SLC16A6: variants seen among roughly 807,000 people sequenced by gnomAD.
SLC16A6 encodes the protein solute carrier family 16 member 6.
SLC16A6 carries 15 observed loss-of-function variants against 33.8 expected under a neutral mutation model. The observed-to-expected ratio is 0.44, with a 90% CI of 0.30 to 0.68. The LOEUF (loss-of-function observed/expected upper bound fraction) is 0.68. Among genes scored for constraint, SLC16A6 ranks in the 30% least tolerant of loss-of-function variants. The pLI is 0.10. For synonymous variants in SLC16A6, 219 were observed against 248.4 expected (o/e 0.88, Z 1.11); for missense variants, 451 against 661.5 (o/e 0.68, Z 3.49).
rs2075206210 is a variant in SLC16A6, at chr17:68,267,917, C to A, written c.*1179G>T. 6.6e-6 allele frequency: 1 copy of A among 152,208 alleles called. No homozygotes were observed. Among genetic ancestry groups the A allele is most frequent in the Admixed American group, 6.5e-5 (1 of 15,282 alleles). The allele number at this position is 152,208 out of a possible 1,614,324, so 9.4% of individuals were successfully genotyped here. On this transcript the variant is annotated 3_prime_UTR_variant, in exon 6 of 6. Coordinates refer to ENST00000580666, the MANE Select transcript of SLC16A6 (RefSeq NM_004694.5). ...CCCCATGTGAAATACAGAAATGCTT[C>A]AATAATTAGATGGTTTTTTCTTTAA...
chr17:68,279,819 T>G (rs961854160), intron 1 of SLC16A6, among the ~76,000 whole-genome samples: 13 of 152,202 alleles, frequency 8.5e-5, no homozygotes, highest in Non-Finnish European at 1.9e-4. Flanking sequence ...AACTAAAAAT[T>G]AATGATATCT....
At chr17:68,272,138 A>T (rs1227297391) in intron 4 of SLC16A6, among the ~76,000 whole-genome samples, 14 of 152,120 alleles carry the variant, frequency 9.2e-5, no homozygotes, top group African/African-American at 3.4e-4. Context: ...GGTTTTTGCC[A>T]TGTTGGCCAG....
At chr17:68,269,673 GTTTTTT>G in intron 5 of SLC16A6, among the ~76,000 whole-genome samples, 1 of 77,896 alleles carries the variant, frequency 1.3e-5, no homozygotes, top group Admixed American at 1.7e-4. Flanking sequence ...TTCACTTTAG[GTTTTTT>G]TTTTTTTTTT....
In SLC16A6 at chr17:68,273,974, A is replaced by G. The variant is rs1555750018; in HGVS notation, c.329T>C (p.Phe110Ser). 3.1e-6 allele frequency: 5 copies of G among 1,614,154 alleles called. No individual in the cohort carries two copies. In the South Asian group the frequency reaches 5.5e-5, roughly 18 times the overall value. Residue 110 changes from phenylalanine (F) to serine (S), a missense_variant, in exon 3 of 6, where the codon TTC (phenylalanine) becomes TCC (serine). Transcript: ENST00000580666. ...GTACATATGAGAAACCTCTTGTGAG[A>G]AGGAGGCGGCCACCATCCCGGTGCT... Reference protein sequence around the residue: ...LVSTGMVAASFSQEVSHMYVA... With the variant: ...LVSTGMVAASSSQEVSHMYVA...
rs201650215 is a variant in SLC16A6 at position 68,271,389 on chromosome 17, C to T, written c.771G>A (p.Leu257=). ...SPKNVPTHTN[L]ELEPKADMQQ... Reference sequence around the variant, plus strand: ...GCATGTCGGCCTTCGGCTCCAGTTCCAGGTTAGTGTGAGTAGGCACATTTT... The same window carrying T: ...GCATGTCGGCCTTCGGCTCCAGTTCTAGGTTAGTGTGAGTAGGCACATTTT... Residue 257 remains leucine, a synonymous_variant, in exon 5 of 6, where the codon CTG becomes CTA. Coordinates refer to ENST00000580666, the MANE Select transcript of SLC16A6 (RefSeq NM_004694.5). This position sits in a 1 kb window ranked among gnomAD's most constrained non-coding sequence, Gnocchi z 5.3. 4.8e-5 allele frequency: 77 copies of T among 1,613,718 alleles called. No homozygotes were observed. Among genetic ancestry groups the T allele is most frequent in the Admixed American group, 1.8e-4 (11 of 60,016 alleles).
chr17:68,284,364 A>C (rs956836190), intron 1 of SLC16A6, among the ~76,000 whole-genome samples: 1 of 152,186 alleles, frequency 6.6e-6, no homozygotes, highest in Non-Finnish European at 1.5e-5. Flanking sequence ...ACTGCACTCC[A>C]GTCTGGGTGA....
chr17:68,273,825 GA>G, intron 3 of SLC16A6, 101 bp downstream of exon 3: 1 of 1,389,348 alleles, frequency 7.2e-7, no homozygotes. Context: ...AAGAAAAAAA[GA>G]AAGAGAAAGA....
At position 68,282,779 on chromosome 17, in the gene SLC16A6, T is replaced by TAAAAAAAAAAAAAAAAA. The variant is rs36155626; in HGVS notation, c.-7-4469_-7-4453dup. ...CAACATAGTGAAACCCCATCTCTAC[T>TAAAAAAAAAAAAAAAAA]AAAAAAAAAAAAAAAAAAAAAGGCC... On this transcript the variant is annotated intron_variant, in intron 1 of 5. Transcript: ENST00000580666. 1.4e-3 allele frequency among the ~76,000 whole-genome samples: 73 copies of TAAAAAAAAAAAAAAAAA among 53,386 alleles called. 9 individuals carry two copies. The highest frequency in any genetic ancestry group is 6.5e-3 in the South Asian group (9 of 1,382). The allele number at this position is 53,386 out of a possible 152,430, so 35.0% of individuals were successfully genotyped here. A position where few individuals can be genotyped will look rare whatever the true frequency, so the allele number is the denominator to read the frequency against.
In SLC16A6 at chr17:68,267,658, G is replaced by T. The variant is rs2075199710; in HGVS notation, c.*1438C>A. ...GCAGGGTGAGATTGTGGTAAAATAG[G>T]TGAGTAAAAAGTCCACCTATTATCC... On this transcript the variant is annotated 3_prime_UTR_variant, in exon 6 of 6. Transcript: ENST00000580666. 6.6e-6 allele frequency: 1 copy of T among 152,164 alleles called. No individual in the cohort carries two copies. Among genetic ancestry groups the T allele is most frequent in the African/African-American group, 2.4e-5 (1 of 41,440 alleles). The allele number at this position is 152,164 out of a possible 1,614,324, so 9.4% of individuals were successfully genotyped here. A position where few individuals can be genotyped will look rare whatever the true frequency, so the allele number is the denominator to read the frequency against.
In SLC16A6 at chr17:68,268,911, A is replaced by T. The variant is rs1482178483; in HGVS notation, c.*185T>A. 2.9e-5 allele frequency: 40 copies of T among 1,390,716 alleles called. No individual in the cohort carries two copies. Among genetic ancestry groups the T allele is most frequent in the Non-Finnish European group, 3.3e-5 (34 of 1,037,244 alleles). The allele number at this position is 1,390,716 out of a possible 1,614,324, so 86.1% of individuals were successfully genotyped here. A position where few individuals can be genotyped will look rare whatever the true frequency, so the allele number is the denominator to read the frequency against. ...GGCTTTAAAAACAAGCAAAAAAAAA[A>T]AGCTTAAAACAAAACAAAACAAAAC... On this transcript the variant is annotated 3_prime_UTR_variant, in exon 6 of 6. Coordinates refer to ENST00000580666, the MANE Select transcript of SLC16A6 (RefSeq NM_004694.5).
At chr17:68,272,867 T>C in intron 3 of SLC16A6, 100 bp from the exon 4 acceptor site, 2 of 1,458,878 alleles carry the variant, frequency 1.4e-6, no homozygotes, top group Non-Finnish European at 1.9e-6. Flanking sequence ...GCTTTTTGAA[T>C]CTTAAGTTCT....
Position 68,283,522 on chromosome 17 carries a change from G to GAA in SLC16A6, c.-7-5197_-7-5196dup, listed in dbSNP as rs368039909. On this transcript the variant is annotated intron_variant, in intron 1 of 5. Transcript: ENST00000580666. ...GGCGACAGAGTGAGACTCCGTATCA[G>GAA]AAAAAAAAAAAAAAGGCTGGGCACG... Among the ~76,000 whole-genome samples, 146 of 112,194 alleles carry GAA rather than the reference G, an allele frequency of 1.3e-3. No individual in the cohort carries two copies. The Middle Eastern group carries it at 0.023, about 18-fold the overall frequency. The allele number at this position is 112,194 out of a possible 152,430, so 73.6% of individuals were successfully genotyped here.
At position 68,272,347 on chromosome 17, in the gene SLC16A6, G is replaced by A. The variant is rs545949031; in HGVS notation, c.505+292C>T. On this transcript the variant is annotated intron_variant, in intron 4 of 5. Coordinates refer to ENST00000580666, the MANE Select transcript of SLC16A6 (RefSeq NM_004694.5). ...TTTTGAAAAACGAGAGGACATAACA[G>A]GTGAATAATTGCAAATTACTAGATT... 2.0e-5 allele frequency among the ~76,000 whole-genome samples: 3 copies of A among 152,308 alleles called. No homozygotes were observed. In the East Asian group the frequency reaches 5.8e-4, roughly 29 times the overall value.
rs1555750107 is a variant in SLC16A6, at chr17:68,274,067, G to A, written c.236C>T (p.Pro79Leu). The part of the protein sequence containing the change: ...ICVFVLTFSA[P>L]LATVLSNRFG... The stretch of plus-strand genomic sequence containing the variant: ...ACGATTGCTCAGGACTGTGGCGAGG[G>A]GAGCTGCCGGGAAAGAACAAAACGA... Residue 79 changes from proline (P) to leucine (L), a missense_variant, in exon 3 of 6, where the codon CCC (proline) becomes CTC (leucine). Pro to Leu is a moderately conservative substitution (Grantham distance 98, BLOSUM62 -3). This residue lies in a region of SLC16A6 where 405 missense variants were observed against 510.7 expected (regional missense o/e 0.79). Transcript: ENST00000580666. 2 of 1,611,822 alleles carry A rather than the reference G, an allele frequency of 1.2e-6. No individual in the cohort carries two copies. Among genetic ancestry groups the A allele is most frequent in the Non-Finnish European group, 1.7e-6 (2 of 1,178,404 alleles).
At position 68,268,872 on chromosome 17, in the gene SLC16A6, T is replaced by C. The variant is rs1228858559; in HGVS notation, c.*224A>G. ...GATTTATATATGGAAGAGTGCTTGGTTGTTTTTTGTTTTGGCTTTAAAAAC... is the reference window on the plus strand; with the variant it reads ...GATTTATATATGGAAGAGTGCTTGGCTGTTTTTTGTTTTGGCTTTAAAAAC... On this transcript the variant is annotated 3_prime_UTR_variant, in exon 6 of 6. Coordinates refer to ENST00000580666, the MANE Select transcript of SLC16A6 (RefSeq NM_004694.5). The C allele has an allele frequency of 7.7e-6, 6 of 780,122 alleles. No homozygotes were observed. Among genetic ancestry groups the C allele is most frequent in the African/African-American group, 1.8e-5 (1 of 56,596 alleles). 48.3% of individuals were successfully genotyped at this position (780,122 alleles called of 1,614,324 possible). A position where few individuals can be genotyped will look rare whatever the true frequency, so the allele number is the denominator to read the frequency against.
rs1303509072 is a variant in SLC16A6, at chr17:68,267,993, T to C, written c.*1103A>G. 4 of 152,240 alleles carry C rather than the reference T, an allele frequency of 2.6e-5. No homozygotes were observed. Among genetic ancestry groups the C allele is most frequent in the Admixed American group, 6.5e-5 (1 of 15,282 alleles). The allele number at this position is 152,240 out of a possible 1,614,324, so 9.4% of individuals were successfully genotyped here. A position where few individuals can be genotyped will look rare whatever the true frequency, so the allele number is the denominator to read the frequency against. On this transcript the variant is annotated 3_prime_UTR_variant, in exon 6 of 6. Coordinates refer to ENST00000580666, the MANE Select transcript of SLC16A6 (RefSeq NM_004694.5). ...GAAATATAATTCTGATCAAAGAAGT[T>C]CCTCAAGTATTCTTAAATGATAAAA...
intron 1 of SLC16A6, among the ~76,000 whole-genome samples, chr17:68,283,646 C>T (rs145756130): frequency 0.014 from 2,128 of 151,606 alleles, 21 homozygotes; most frequent in Non-Finnish European, 0.02. Context: ...CATGGAGAAA[C>T]GCTGTCTCTA....
chr17:68,287,328 CT>C (rs1401852161), intron 1 of SLC16A6, among the ~76,000 whole-genome samples: 86 of 144,558 alleles, frequency 5.9e-4, no homozygotes, highest in Admixed American at 1.5e-3. Context: ...TCTTCTTCTT[CT>C]TTTTTTTTTT....
At position 68,271,418 on chromosome 17, in the gene SLC16A6, G is replaced by T; in HGVS notation, c.742C>A (p.Pro248Thr). 1 of 1,614,224 alleles carries T rather than the reference G, an allele frequency of 6.2e-7. No homozygotes were observed. The highest frequency in any genetic ancestry group is 8.5e-7 in the Non-Finnish European group (1 of 1,180,048). The change falls in exon 5 of 6, where the codon CCT (proline) becomes ACT (threonine). Residue 248 changes from proline to threonine, a missense_variant. Pro to Thr is a conservative substitution (Grantham distance 38). Transcript: ENST00000580666. The surrounding 1 kb of genome is among the most constrained non-coding windows in gnomAD (Gnocchi z 5.3). ...TTAGTGTGAGTAGGCACATTTTTAGGTGAGGTAGTTAGTTCTACTCCTGAG... is the reference window on the plus strand; with the variant it reads ...TTAGTGTGAGTAGGCACATTTTTAGTTGAGGTAGTTAGTTCTACTCCTGAG... ...IDSGVELTTS[P>T]KNVPTHTNLE...
Sources: allele counts gnomAD v4.1 joint callset (sites outside exome capture counted in the v4.1 genomes callset), GRCh38; gene constraint gnomAD v4.1.1; regional missense constraint gnomAD v4.1.1; non-coding constraint Gnocchi (gnomAD v3.1); transcripts MANE v1.5; gene names NCBI Gene and HGNC (gene_info 2026-07-23, HGNC 2026-07-21).